Variants in FLVCR2 observed in about 807,000 individuals in gnomAD.
The protein encoded by FLVCR2 is FLVCR choline and putative heme transporter 2, also known as choline/ethanolamine transporter FLVCR2.
In FLVCR2, 38 loss-of-function variants were observed where a neutral mutation model predicts 48.9. The ratio of observed to expected loss-of-function variants is 0.78; its 90% CI spans 0.60 to 1.02. The LOEUF (loss-of-function observed/expected upper bound fraction) is 1.02. FLVCR2 is among the 50% of genes least tolerant of loss of function. The pLI, the probability that FLVCR2 is intolerant of heterozygous loss-of-function variation, is 0.00. For synonymous variants in FLVCR2, 255 were observed against 257.0 expected, an observed-to-expected ratio of 0.99 and a Z score of 0.07; for missense variants, 664 against 663.3, an observed-to-expected ratio of 1.00 and a Z score of -0.01.
chr14:75,612,080 G>A (rs946043568), intron 1 of FLVCR2, among the ~76,000 whole-genome samples: 6 of 151,990 alleles, frequency 3.9e-5, no homozygotes, highest in African/African-American at 1.2e-4. Context: ...AGGGGAGCAC[G>A]CCTTCTATTT....
rs529293865 is a variant in FLVCR2 at position 75,647,906 on chromosome 14, C to G, written c.*1434C>G. On this transcript the variant is annotated 3_prime_UTR_variant, in exon 10 of 10. Coordinates refer to ENST00000238667, the MANE Select transcript of FLVCR2 (RefSeq NM_017791.3). Reference sequence around the variant, plus strand: ...GCATGTGTGTGTGTGTGTGTTTGTACAGATTCAAGCAATGGATGCAAGGAA... The same window carrying G: ...GCATGTGTGTGTGTGTGTGTTTGTAGAGATTCAAGCAATGGATGCAAGGAA... 6.5e-6 allele frequency: 1 copy of G among 152,744 alleles called. No homozygotes were observed. Among genetic ancestry groups the G allele is most frequent in the Admixed American group, 6.5e-5 (1 of 15,270 alleles). The allele number at this position is 152,744 out of a possible 1,614,324, so 9.5% of individuals were successfully genotyped here.
chr14:75,638,837 T>C (rs981943734), intron 5 of FLVCR2, among the ~76,000 whole-genome samples: 1 of 152,200 alleles, frequency 6.6e-6, no homozygotes, highest in African/African-American at 2.4e-5. Context: ...TTGATCATGA[T>C]GTAATTAAAT....
chr14:75,646,486 A>G lies in FLVCR2; in HGVS notation c.*14A>G. ...GATCATCTCTGAGAGGAAGGTGGTG[A>G]CAACTCAGGGAACACGAACACCCCA... On this transcript the variant is annotated 3_prime_UTR_variant, in exon 10 of 10. Coordinates refer to ENST00000238667, the MANE Select transcript of FLVCR2 (RefSeq NM_017791.3). 6.2e-7 allele frequency: 1 copy of G among 1,600,978 alleles called. No homozygotes were observed. Among genetic ancestry groups the G allele is most frequent in the Non-Finnish European group, 8.6e-7 (1 of 1,167,930 alleles).
Position 75,639,477 on chromosome 14 carries a change from T to C in FLVCR2, c.1235+15T>C. 6.5e-7 allele frequency: 1 copy of C among 1,538,436 alleles called. No individual in the cohort carries two copies. Among genetic ancestry groups the C allele is most frequent in the Non-Finnish European group, 9.0e-7 (1 of 1,111,124 alleles). ...GGCACAATGGGGTAAGTTTCACCTC[T>C]GGCTGATTTATTAGAAAATACCATG... On this transcript the variant is annotated intron_variant, in intron 6 of 9. Transcript: ENST00000238667.
At chr14:75,614,334 G>A (rs544806016) in intron 1 of FLVCR2, among the ~76,000 whole-genome samples, 3 of 152,304 alleles carry the variant, frequency 2.0e-5, no homozygotes, top group South Asian at 4.1e-4. Flanking sequence ...TTCCTGACAT[G>A]CCAGTTAACT....
chr14:75,590,491 T>G (rs560943883), intron 1 of FLVCR2, among the ~76,000 whole-genome samples: 9 of 152,348 alleles, frequency 5.9e-5, no homozygotes, highest in African/African-American at 1.9e-4. Flanking sequence ...CTTGCTGATA[T>G]GGTTTGGGTC....
At chr14:75,613,893 C>T (rs979031456) in intron 1 of FLVCR2, among the ~76,000 whole-genome samples, 1 of 152,158 alleles carries the variant, frequency 6.6e-6, no homozygotes, top group African/African-American at 2.4e-5. Context: ...ACCCATCATG[C>T]CCCTTTACAT....
intron 5 of FLVCR2, among the ~76,000 whole-genome samples, chr14:75,638,956 T>A (rs1158414927): frequency 2.0e-5 from 3 of 152,216 alleles, no homozygotes; most frequent in African/African-American, 7.2e-5. Context: ...TTGTAAGGCC[T>A]GTAATCCCAG....
chr14:75,619,146 C>A (rs181035208), intron 1 of FLVCR2, among the ~76,000 whole-genome samples: 1 of 152,154 alleles, frequency 6.6e-6, no homozygotes, highest in East Asian at 1.9e-4. Context: ...ATCACTTGAA[C>A]CTGGGAGGCG....
At chr14:75,610,452 C>CTT (rs11427208) in intron 1 of FLVCR2, among the ~76,000 whole-genome samples, 8 of 151,176 alleles carry the variant, frequency 5.3e-5, no homozygotes, top group East Asian at 1.9e-4. Flanking sequence ...GTCAGTGTTC[C>CTT]TTTTTTTTTC....
intron 1 of FLVCR2, among the ~76,000 whole-genome samples, chr14:75,613,554 T>C (rs1204569684): frequency 6.6e-6 from 1 of 152,110 alleles, no homozygotes; most frequent in Non-Finnish European, 1.5e-5. Flanking sequence ...TTTTTCTTTT[T>C]CTTTTTTCTT....
intron 1 of FLVCR2, among the ~76,000 whole-genome samples, chr14:75,582,051 G>C (rs1195007122): frequency 2.6e-5 from 4 of 152,164 alleles, no homozygotes; most frequent in Non-Finnish European, 4.4e-5. Flanking sequence ...CCGATGAGAA[G>C]GAGAAAAACT....
At chr14:75,586,302 A>G (rs1003582507) in intron 1 of FLVCR2, among the ~76,000 whole-genome samples, 1 of 152,224 alleles carries the variant, frequency 6.6e-6, no homozygotes, top group South Asian at 2.1e-4. Flanking sequence ...AATTACAAAG[A>G]ACCTTCTTAA....
At position 75,579,145 on chromosome 14, in the gene FLVCR2, T is replaced by C. The variant is rs866125866; in HGVS notation, c.173T>C (p.Leu58Ser). The C allele has an allele frequency of 6.2e-7, 1 of 1,614,140 alleles. No individual in the cohort carries two copies. Among genetic ancestry groups the C allele is most frequent in the Non-Finnish European group, 8.5e-7 (1 of 1,180,028 alleles). ...HPSSSAHPSA[L>S]AQPSGLAHPS... ...AGCAGTTCGGCCCACCCCAGTGCCT[T>C]AGCCCAACCCAGTGGCTTGGCTCAC... The change falls in exon 1 of 10, where the codon TTA becomes TCA. Residue 58 changes from leucine (L) to serine (S), a missense_variant. By Grantham distance (145) the Leu-to-Ser change is moderately radical. Coordinates refer to ENST00000238667, the MANE Select transcript of FLVCR2 (RefSeq NM_017791.3).
intron 1 of FLVCR2, among the ~76,000 whole-genome samples, chr14:75,621,207 A>T (rs184714939): frequency 1.8e-3 from 271 of 152,158 alleles, no homozygotes; most frequent in African/African-American, 6.1e-3. Flanking sequence ...AGGTCAAGAG[A>T]TGGAGACCAT....
In FLVCR2 at chr14:75,596,119, G is replaced by A. The variant is rs905717724; in HGVS notation, c.669+16478G>A. The A allele has an allele frequency of 1.7e-5, 15 of 905,490 alleles. No homozygotes were observed. In the African/African-American group the frequency reaches 1.8e-4, roughly 11 times the overall value. 56.1% of individuals were successfully genotyped at this position (905,490 alleles called of 1,614,324 possible). ...GTCTTAGGCACTGTTGCCTTCCCAG[G>A]GTGAAGGATATCAATGACTGTTTGT... is the stretch of plus-strand genomic sequence containing the variant. On this transcript the variant is annotated intron_variant, in intron 1 of 9. Coordinates refer to ENST00000238667, the MANE Select transcript of FLVCR2 (RefSeq NM_017791.3).
Position 75,607,777 on chromosome 14 carries a change from C to CA in FLVCR2, c.670-14293dup, listed in dbSNP as rs776827563. On this transcript the variant is annotated intron_variant, in intron 1 of 9. Transcript: ENST00000238667. ...GACTTTTAGTGCCCTTTCTTGAACT[C>CA]AAAAAAAAAGGGGGGCTCGGTGTGG... Among the ~76,000 whole-genome samples the CA allele has an allele frequency of 8.3e-3, 1,229 of 148,954 alleles. 9 individuals carry two copies. Among genetic ancestry groups the CA allele is most frequent in the Non-Finnish European group, 9.9e-3 (661 of 67,100 alleles).
At chr14:75,635,881 A>G (rs1890157122) in intron 5 of FLVCR2, among the ~76,000 whole-genome samples, 2 of 152,196 alleles carry the variant, frequency 1.3e-5, no homozygotes, top group African/African-American at 4.8e-5. Context: ...ATCGGTGTGC[A>G]CATGGGTTAA....
intron 1 of FLVCR2, among the ~76,000 whole-genome samples, chr14:75,621,524 G>T (rs563729998): frequency 2.0e-5 from 3 of 152,142 alleles, no homozygotes; most frequent in African/African-American, 4.8e-5. Context: ...ATGCAGTTAT[G>T]TGTGACTTCA....
Sources: gnomAD v4.1 joint callset for allele counts (sites outside exome capture counted in the v4.1 genomes callset) on GRCh38, gnomAD v4.1.1 for gene constraint, MANE v1.5 for transcripts, NCBI Gene and HGNC (gene_info 2026-07-23, HGNC 2026-07-21) for gene names.